MDC1: variants seen among roughly 807,000 people sequenced by gnomAD.
MDC1 encodes mediator of DNA damage checkpoint protein 1.
Under a neutral mutation model 142.5 loss-of-function variants are expected in MDC1, and 81 were observed. The ratio of observed to expected loss-of-function variants is 0.57; its 90% CI spans 0.47 to 0.68. MDC1 has a LOEUF of 0.68. Among genes scored for constraint, MDC1 ranks in the 30% least tolerant of loss-of-function variants. The pLI is 0.00. For missense variants in MDC1, 2,119 were observed against 2,547.9 expected, an observed-to-expected ratio of 0.83 and a Z score of 3.62; for synonymous variants, 797 against 968.4, an observed-to-expected ratio of 0.82 and a Z score of 3.29.
intron 7 of MDC1, among the ~76,000 whole-genome samples, chr6:30,710,094 T>A (rs1439055873): frequency 6.6e-6 from 1 of 151,910 alleles, no homozygotes; most frequent in Non-Finnish European, 1.5e-5. Flanking sequence ...CATTTTCTTT[T>A]TTTTTATTAT....
chr6:30,704,113 T>C lies in MDC1; in HGVS notation c.5070A>G (p.Arg1690=). The C allele has an allele frequency of 1.6e-5, 26 of 1,613,846 alleles. No individual in the cohort carries two copies. The highest frequency in any genetic ancestry group is 2.2e-5 in the Non-Finnish European group (26 of 1,179,930). ...QSKTLRSSTV[R]AMPVPTTPEF... ...CAGGGGTGGTAGGAACCGGCATAGC[T>C]CTTACTGTGGAAGACCTCAGTGTTT... is the stretch of plus-strand genomic sequence containing the variant. The change falls in exon 10 of 15, where the codon AGA becomes AGG. Residue 1690 remains arginine, a synonymous_variant. Coordinates refer to ENST00000376406, the MANE Select transcript of MDC1 (RefSeq NM_014641.3).
At position 30,713,186 on chromosome 6, in the gene MDC1, A is replaced by C; in HGVS notation, c.756T>G (p.Val252=). The change falls in exon 5 of 15, where the codon GTT becomes GTG. Residue 252 remains valine (V), a synonymous_variant. Coordinates refer to ENST00000376406, the MANE Select transcript of MDC1 (RefSeq NM_014641.3). This position sits in a 1 kb window ranked among gnomAD's most constrained non-coding sequence, Gnocchi z 4.9. The part of the protein sequence containing the change: ...TVEAKQSEAE[V]VTEIQLEKDQ... ...CCTTTTCAAGCTGGATTTCAGTTAC[A>C]ACTTCAGCTTCAGACTGCTTTGCCT... is the stretch of plus-strand genomic sequence containing the variant. 6.2e-7 allele frequency: 1 copy of C among 1,613,052 alleles called. No homozygotes were observed. Among genetic ancestry groups the C allele is most frequent in the Non-Finnish European group, 8.5e-7 (1 of 1,179,988 alleles).
intron 7 of MDC1, among the ~76,000 whole-genome samples, chr6:30,708,713 G>T (rs1449598448): frequency 6.6e-6 from 1 of 151,798 alleles, no homozygotes; most frequent in Non-Finnish European, 1.5e-5. Context: ...AAAATTAGGT[G>T]TGGGGACGGG....
At chr6:30,708,658 AGCCTGGACAACATG>A (rs913626535) in intron 7 of MDC1, among the ~76,000 whole-genome samples, 1 of 152,026 alleles carries the variant, frequency 6.6e-6, no homozygotes, top group Non-Finnish European at 1.5e-5. Context: ...GTTTGAGACT[AGCCTGGACAACATG>A]GCAAAACCCC....
At chr6:30,706,253 G>A (rs542301902) in intron 9 of MDC1, among the ~76,000 whole-genome samples, 155 bp from the exon 10 acceptor site, 4 of 152,070 alleles carry the variant, frequency 2.6e-5, no homozygotes, top group Non-Finnish European at 4.4e-5. Flanking sequence ...TTGGGAGGCC[G>A]AGGCGGGCGG....
At chr6:30,714,241 A>G in intron 2 of MDC1, 58 bp from the exon 3 acceptor site, 1 of 1,523,596 alleles carries the variant, frequency 6.6e-7, no homozygotes, top group African/African-American at 1.4e-5. Flanking sequence ...GTCATTAGGA[A>G]AAAGTGCCTA....
intron 14 of MDC1, among the ~76,000 whole-genome samples, chr6:30,701,509 G>A (rs983950982): frequency 2.0e-5 from 3 of 152,178 alleles, no homozygotes; most frequent in African/African-American, 7.2e-5. Context: ...TAAATTATAT[G>A]ACAAGGAGGC....
In MDC1 at chr6:30,712,245, G is replaced by A; in HGVS notation, c.1697C>T (p.Ser566Phe). ...VGGPAKLLVVSLEEAWPLHGD... is the reference protein window; with the variant it reads ...VGGPAKLLVVFLEEAWPLHGD... ...ATGCAGAGGCCAGGCTTCCTCTAGA[G>A]ATACCACAAGCAGCTTTGCTGGTCC... Residue 566 changes from serine (S) to phenylalanine (F), a missense_variant, in exon 5 of 15, where the codon TCT (serine) becomes TTT (phenylalanine). Physicochemically the swap from Ser to Phe is radical, Grantham distance 155. Transcript: ENST00000376406. This position sits in a 1 kb window ranked among gnomAD's most constrained non-coding sequence, Gnocchi z 4.7. 1 of 1,613,064 alleles carries A rather than the reference G, an allele frequency of 6.2e-7. No homozygotes were observed. The highest frequency in any genetic ancestry group is 8.5e-7 in the Non-Finnish European group (1 of 1,180,030).
In MDC1 at chr6:30,703,715, T is replaced by C; in HGVS notation, c.5468A>G (p.His1823Arg). The C allele has an allele frequency of 6.5e-7, 1 of 1,540,722 alleles. No homozygotes were observed. The highest frequency in any genetic ancestry group is 1.4e-5 in the African/African-American group (1 of 72,392). ...RSLATMDSPPHQKQPQRGEVS... is the reference protein window; with the variant it reads ...RSLATMDSPPRQKQPQRGEVS... ...TTCCCCTCTTTGGGGCTGTTTTTGA[T>C]GTGGTGGTGAATCCATGGTAGCTAA... Residue 1823 changes from histidine to arginine, a missense_variant, in exon 10 of 15, where the codon CAT becomes CGT. Transcript: ENST00000376406. The surrounding 1 kb of genome is among the most constrained non-coding windows in gnomAD (Gnocchi z 4.4).
Position 30,714,145 on chromosome 6 carries a change from T to A in MDC1, c.175A>T (p.Met59Leu), listed in dbSNP as rs1243516992. The change falls in exon 3 of 15, where the codon ATG becomes TTG. Residue 59 changes from methionine to leucine, a missense_variant. Coordinates refer to ENST00000376406, the MANE Select transcript of MDC1 (RefSeq NM_014641.3). ...LHLGKNVVGRMPDCSVALPFP... is the reference protein window; with the variant it reads ...LHLGKNVVGRLPDCSVALPFP... Reference sequence around the variant, plus strand: ...GGCAGGGCCACAGAGCAGTCAGGCATTCGGCCTACCACATTCTTCCCGAGG... The same window carrying A: ...GGCAGGGCCACAGAGCAGTCAGGCAATCGGCCTACCACATTCTTCCCGAGG... 1 of 1,611,412 alleles carries A rather than the reference T, an allele frequency of 6.2e-7. No individual in the cohort carries two copies. Among genetic ancestry groups the A allele is most frequent in the African/African-American group, 1.3e-5 (1 of 74,908 alleles).
rs143911000 is a variant in MDC1, at chr6:30,706,934, T to C, written c.3084+450A>G. Reference sequence around the variant, plus strand: ...AAGCTGAGATCACGCCACTGCACACTCCAGCCTGGGTGACAGAGACAGACT... The same window carrying C: ...AAGCTGAGATCACGCCACTGCACACCCCAGCCTGGGTGACAGAGACAGACT... On this transcript the variant is annotated intron_variant, in intron 9 of 14. Coordinates refer to ENST00000376406, the MANE Select transcript of MDC1 (RefSeq NM_014641.3). Among the ~76,000 whole-genome samples the C allele has an allele frequency of 7.9e-3, 1,196 of 152,178 alleles. 14 individuals are homozygous for C. Among genetic ancestry groups the C allele is most frequent in the African/African-American group, 0.025 (1,054 of 41,502 alleles).
rs1459437873 is a variant in MDC1, at chr6:30,705,500, G to A, written c.3683C>T (p.Thr1228Ile). Residue 1228 changes from threonine to isoleucine, a missense_variant, in exon 10 of 15, where the codon ACT becomes ATT. Thr to Ile is a moderately conservative substitution (Grantham distance 89, BLOSUM62 -1). Coordinates refer to ENST00000376406, the MANE Select transcript of MDC1 (RefSeq NM_014641.3). ...PVTSEPTSQATRGRKNRSSVK... is the reference protein window; with the variant it reads ...PVTSEPTSQAIRGRKNRSSVK... ...AGAGGATCTATTTTTTCTTCCCCTA[G>A]TAGCCTGAGAGGTGGGTTCAGAGGT... The A allele has an allele frequency of 6.2e-7, 1 of 1,607,068 alleles. No individual in the cohort carries two copies. Among genetic ancestry groups the A allele is most frequent in the South Asian group, 1.1e-5 (1 of 89,656 alleles).
chr6:30,716,801 T>C lies in MDC1; in HGVS notation c.-4+444A>G. 3.6e-6 allele frequency: 2 copies of C among 561,916 alleles called. No individual in the cohort carries two copies. The highest frequency in any genetic ancestry group is 4.5e-6 in the Non-Finnish European group (2 of 443,208). 34.8% of individuals were successfully genotyped at this position (561,916 alleles called of 1,614,324 possible). A position where few individuals can be genotyped will look rare whatever the true frequency, so the allele number is the denominator to read the frequency against. ...TGTGAACCAAACATGAAATCGACCC[T>C]GCCCTCGGGAAGGCTCATCACCGAG... is the stretch of plus-strand genomic sequence containing the variant. On this transcript the variant is annotated intron_variant, in intron 1 of 14. Transcript: ENST00000376406. The surrounding 1 kb of genome is among the most constrained non-coding windows in gnomAD (Gnocchi z 4.4).
In MDC1 at chr6:30,703,636, C is replaced by T. The variant is rs755817461; in HGVS notation, c.5547G>A (p.Lys1849=). Residue 1849 remains lysine, a synonymous_variant, in exon 10 of 15, where the codon AAG becomes AAA. Transcript: ENST00000376406. This position sits in a 1 kb window ranked among gnomAD's most constrained non-coding sequence, Gnocchi z 4.4. ...CTCTCCTCACCTCTTCCTTCCCTGG[C>T]TTCTCTGCAGTATCTTCTTCCTCTT... The part of the protein sequence containing the change: ...IKEEEEDTAE[K]PGKEEDVVTP... The T allele has an allele frequency of 1.1e-5, 18 of 1,588,162 alleles. No homozygotes were observed. In the East Asian group the frequency reaches 3.8e-4, roughly 34 times the overall value.
rs374669778 is a variant in MDC1, at chr6:30,708,014, C to T, written c.2565G>A (p.Gly855=). 1.7e-4 allele frequency: 269 copies of T among 1,613,054 alleles called. 8 individuals are homozygous for T. Among genetic ancestry groups the T allele is most frequent in the East Asian group, 8.9e-4 (40 of 44,882 alleles). Residue 855 remains glycine, a synonymous_variant, in exon 8 of 15, where the codon GGG becomes GGA. Coordinates refer to ENST00000376406, the MANE Select transcript of MDC1 (RefSeq NM_014641.3). ...ACTGTTTTTGTTCTCTGTCCTGTTT[C>T]CCCTTGGTTAATTCTTCCTCTCCTG... ...DVTGEEELTK[G]KQDREQKQLL...
In MDC1 at chr6:30,712,152, T is replaced by C; in HGVS notation, c.1790A>G (p.Lys597Arg). Residue 597 changes from lysine (K) to arginine (R), a missense_variant, in exon 5 of 15, where the codon AAG (lysine) becomes AGG (arginine). Lys to Arg is a conservative substitution (Grantham distance 26). Transcript: ENST00000376406. This position sits in a 1 kb window ranked among gnomAD's most constrained non-coding sequence, Gnocchi z 4.7. Reference sequence around the variant, plus strand: ...ATCCCCTTCTGCTGGAAGCTGGCTCTTTCTTACATCTGCAACTACTGAGGC... The same window carrying C: ...ATCCCCTTCTGCTGGAAGCTGGCTCCTTCTTACATCTGCAACTACTGAGGC... ...LTASVVADVR[K>R]SQLPAEGDAG... is the part of the protein sequence containing the mutation. 1 of 1,612,712 alleles carries C rather than the reference T, an allele frequency of 6.2e-7. No homozygotes were observed. Among genetic ancestry groups the C allele is most frequent in the Non-Finnish European group, 8.5e-7 (1 of 1,179,902 alleles).
chr6:30,714,998 A>G, intron 2 of MDC1, 42 bp downstream of exon 2: 1 of 1,602,272 alleles, frequency 6.2e-7, no homozygotes, highest in South Asian at 1.1e-5. Flanking sequence ...CCACAAAAAT[A>G]AAAGATCTAT....
Position 30,712,221 on chromosome 6 carries a change from T to G in MDC1, c.1721A>C (p.His574Pro), listed in dbSNP as rs1156366592. 2 of 1,613,020 alleles carry G rather than the reference T, an allele frequency of 1.2e-6. No individual in the cohort carries two copies. Among genetic ancestry groups the G allele is most frequent in the Admixed American group, 1.7e-5 (1 of 60,018 alleles). ...VVSLEEAWPL[H>P]GDCETDAEEG... is the part of the protein sequence containing the mutation. Reference sequence around the variant, plus strand: ...CTCTGCATCTGTTTCACAGTCCCCATGCAGAGGCCAGGCTTCCTCTAGAGA... The same window carrying G: ...CTCTGCATCTGTTTCACAGTCCCCAGGCAGAGGCCAGGCTTCCTCTAGAGA... Residue 574 changes from histidine to proline, a missense_variant, in exon 5 of 15, where the codon CAT (histidine) becomes CCT (proline). Transcript: ENST00000376406. The surrounding 1 kb of genome is among the most constrained non-coding windows in gnomAD (Gnocchi z 4.7).
At chr6:30,710,636 A>C (rs1774718370) in intron 7 of MDC1, among the ~76,000 whole-genome samples, 1 of 152,040 alleles carries the variant, frequency 6.6e-6, no homozygotes. Flanking sequence ...ATCTCAGGTG[A>C]TCTGCCTGCC....
Sources: allele counts gnomAD v4.1 joint callset (sites outside exome capture counted in the v4.1 genomes callset), GRCh38; gene constraint gnomAD v4.1.1; non-coding constraint Gnocchi (gnomAD v3.1); transcripts MANE v1.5; gene names NCBI Gene and HGNC (gene_info 2026-07-23, HGNC 2026-07-21).